The following ASCC3 variants were observed in gnomAD, a reference collection of about 807,000 sequenced individuals.
ASCC3 encodes the protein activating signal cointegrator 1 complex subunit 3.
Under a neutral mutation model 256.3 loss-of-function variants are expected in ASCC3, and 158 were observed. The observed-to-expected ratio is 0.62, with a 90% confidence interval of 0.54 to 0.70. The LOEUF (loss-of-function observed/expected upper bound fraction) is 0.70. Ranked by LOEUF, ASCC3 falls within the 30% of genes least tolerant of loss-of-function variation. The pLI, the probability that ASCC3 is intolerant of heterozygous loss-of-function variation, is 0.00. For missense variants in ASCC3, 2,259 were observed against 2,626.0 expected (o/e 0.86, Z 3.05); for synonymous variants, 948 against 883.4 (o/e 1.07, Z -1.30).
chr6:100,518,265 T>C (rs1774136853), intron 37 of ASCC3, 123 bp from the exon 38 acceptor site: 1 of 1,043,916 alleles, frequency 9.6e-7, no homozygotes, highest in East Asian at 2.6e-5. Flanking sequence ...TAAATTACTA[T>C]TCATCAACAT....
At chr6:100,860,062 T>C (rs1190971122) in intron 3 of ASCC3, among the ~76,000 whole-genome samples, 1 of 152,026 alleles carries the variant, frequency 6.6e-6, no homozygotes, top group East Asian at 1.9e-4. Flanking sequence ...ACTGTGCAAA[T>C]CTTACTGGCC....
intron 11 of ASCC3, among the ~76,000 whole-genome samples, chr6:100,720,812 CATATATA>C (rs1779292233): frequency 6.7e-6 from 1 of 148,308 alleles, no homozygotes; most frequent in African/African-American, 2.5e-5. Context: ...AATTATTATA[CATATATA>C]ATATATATGA....
At chr6:100,579,592 A>G (rs1304544826) in intron 36 of ASCC3, among the ~76,000 whole-genome samples, 1 of 152,098 alleles carries the variant, frequency 6.6e-6, no homozygotes, top group Non-Finnish European at 1.5e-5. Flanking sequence ...CATTTATTGA[A>G]TAGGGAGTCT....
At chr6:100,876,272 A>G (rs757721102) in intron 1 of ASCC3, among the ~76,000 whole-genome samples, 6 of 152,178 alleles carry the variant, frequency 3.9e-5, no homozygotes, top group Non-Finnish European at 5.9e-5. Context: ...TTTATTTGAG[A>G]TATGCTAAGA....
chr6:100,754,279 A>G (rs1285318365), intron 10 of ASCC3, among the ~76,000 whole-genome samples: 2 of 152,186 alleles, frequency 1.3e-5, no homozygotes, highest in Non-Finnish European at 2.9e-5. Flanking sequence ...TTGAAGACCA[A>G]ATGCTTTAAA....
intron 27 of ASCC3, 28 bp downstream of exon 27, chr6:100,628,987 A>G: frequency 6.2e-7 from 1 of 1,602,658 alleles, no homozygotes. Context: ...AAAGTTTGTA[A>G]ACTGGCTTTA....
At chr6:100,706,716 G>C (rs1294590636) in intron 13 of ASCC3, among the ~76,000 whole-genome samples, 4 of 151,978 alleles carry the variant, frequency 2.6e-5, no homozygotes, top group Non-Finnish European at 5.9e-5. Context: ...AAATAGTATT[G>C]GCAGATCAAC....
chr6:100,603,746 CATTT>C (rs1182106717), intron 33 of ASCC3, among the ~76,000 whole-genome samples: 8 of 152,068 alleles, frequency 5.3e-5, no homozygotes, highest in Admixed American at 3.3e-4. Context: ...TATATCCATT[CATTT>C]TTCAAATAAT....
At chr6:100,601,372 G>A (rs1266181552) in intron 34 of ASCC3, among the ~76,000 whole-genome samples, 1 of 152,166 alleles carries the variant, frequency 6.6e-6, no homozygotes, top group Non-Finnish European at 1.5e-5. Context: ...TGTCTGGAGT[G>A]ACATTCTACC....
chr6:100,674,295 T>G (rs2114954984), intron 14 of ASCC3, among the ~76,000 whole-genome samples: 1 of 152,074 alleles, frequency 6.6e-6, no homozygotes, highest in South Asian at 2.1e-4. Context: ...TTTTTTTTCA[T>G]CCAAAGTTTG....
chr6:100,527,363 T>C (rs986487636), intron 37 of ASCC3, among the ~76,000 whole-genome samples: 3 of 152,224 alleles, frequency 2.0e-5, no homozygotes, highest in Non-Finnish European at 2.9e-5. Context: ...GATTCTACAG[T>C]AATACACAAG....
At chr6:100,608,954 G>C (rs145084674) in intron 30 of ASCC3, among the ~76,000 whole-genome samples, 1 of 148,184 alleles carries the variant, frequency 6.7e-6, no homozygotes, top group Non-Finnish European at 1.5e-5. Context: ...TAGTAGAGAC[G>C]GGGTTTCCCG....
At chr6:100,752,909 C>A (rs555494606) in intron 10 of ASCC3, among the ~76,000 whole-genome samples, 1 of 151,824 alleles carries the variant, frequency 6.6e-6, no homozygotes, top group South Asian at 2.1e-4. Context: ...TTTGATAAAC[C>A]CAAAATAAGA....
At position 100,805,882 on chromosome 6, in the gene ASCC3, T is replaced by G. The variant is rs1770155430; in HGVS notation, c.802-2A>C. On this transcript the variant is annotated splice_acceptor_variant, in intron 4 of 41. Transcript: ENST00000369162. LOFTEE classifies it high-confidence loss of function. ...TTCAGGTCCCAGCAGTTCAAATAGC[T>G]TATAAAAAGAGAAAAAAGTAACAAA... 1 of 1,609,992 alleles carries G rather than the reference T, an allele frequency of 6.2e-7. No homozygotes were observed.
At chr6:100,529,420 T>TA (rs948349330) in intron 37 of ASCC3, among the ~76,000 whole-genome samples, 89 of 152,264 alleles carry the variant, frequency 5.8e-4, no homozygotes, top group African/African-American at 2.1e-3. Context: ...GCAAACACCC[T>TA]ACCAACTGGA....
chr6:100,617,087 C>A (rs1480592487), intron 30 of ASCC3, among the ~76,000 whole-genome samples: 1 of 152,120 alleles, frequency 6.6e-6, no homozygotes, highest in Non-Finnish European at 1.5e-5. Flanking sequence ...TCACTGCAAT[C>A]TCTGCCTCCT....
intron 8 of ASCC3, among the ~76,000 whole-genome samples, chr6:100,794,120 A>G (rs1200866542): frequency 3.3e-5 from 5 of 152,012 alleles, no homozygotes; most frequent in Non-Finnish European, 7.4e-5. Context: ...TCTTCCTTGA[A>G]TTATTGCAGC....
At chr6:100,779,750 T>C (rs758257757) in intron 8 of ASCC3, among the ~76,000 whole-genome samples, 16 of 152,202 alleles carry the variant, frequency 1.1e-4, no homozygotes, top group Non-Finnish European at 2.2e-4. Flanking sequence ...GTAAACTATG[T>C]TAACATACTA....
chr6:100,626,319 G>A (rs1774232304), intron 29 of ASCC3, among the ~76,000 whole-genome samples: 1 of 151,982 alleles, frequency 6.6e-6, no homozygotes, highest in East Asian at 1.9e-4. Flanking sequence ...AATGTGAGCT[G>A]CAGAATTTCT....
Sources: gnomAD v4.1 joint callset for allele counts (sites outside exome capture counted in the v4.1 genomes callset) on GRCh38, gnomAD v4.1.1 for gene constraint, MANE v1.5 for transcripts, NCBI Gene and HGNC (gene_info 2026-07-23, HGNC 2026-07-21) for gene names.